The following HPSE2 variants were observed in gnomAD, a reference collection of about 807,000 sequenced individuals.
HPSE2 encodes the protein inactive heparanase-2.
In HPSE2, 38 loss-of-function variants were observed where a neutral mutation model predicts 60.5. The observed-to-expected ratio is 0.63, with a 90% confidence interval of 0.48 to 0.82. HPSE2 has a LOEUF of 0.82. Ranked by LOEUF, HPSE2 falls within the 40% of genes least tolerant of loss-of-function variation. The probability of loss-of-function intolerance (pLI) is 0.00; values close to 1 mark genes in which losing one functional copy is unlikely to be tolerated. For missense variants in HPSE2, 713 were observed against 740.4 expected (o/e 0.96, Z 0.43); for synonymous variants, 295 against 293.2 (o/e 1.01, Z -0.06).
intron 3 of HPSE2, among the ~76,000 whole-genome samples, chr10:98,771,700 A>C (rs1333457261): frequency 6.6e-6 from 1 of 152,180 alleles, no homozygotes; most frequent in Non-Finnish European, 1.5e-5. Flanking sequence ...GATAACCAAG[A>C]ATTCAGTGAC....
chr10:99,232,859 G>A (rs868435416), intron 1 of HPSE2, among the ~76,000 whole-genome samples: 3 of 152,248 alleles, frequency 2.0e-5, no homozygotes, highest in South Asian at 4.1e-4. Flanking sequence ...GCAGTTGCCC[G>A]GCTTCTGCCA....
chr10:99,149,191 G>C (rs1846168855), intron 2 of HPSE2, among the ~76,000 whole-genome samples: 1 of 152,108 alleles, frequency 6.6e-6, no homozygotes, highest in South Asian at 2.1e-4. Flanking sequence ...AACCTGTTCA[G>C]TTCCACGTGA....
At chr10:98,696,595 A>G (rs560603984) in intron 5 of HPSE2, among the ~76,000 whole-genome samples, 1 of 36,268 alleles carries the variant, frequency 2.8e-5, no homozygotes, top group South Asian at 1.9e-3. Flanking sequence ...CACTGGGGCG[A>G]GGGTCCCAAC....
chr10:99,309,933 A>G, the HPSE2 span, among the ~76,000 whole-genome samples: 2 of 152,202 alleles, frequency 1.3e-5, no homozygotes, highest in African/African-American at 2.4e-5. Context: ...AAACAACACA[A>G]TTTATTCTCT....
rs553701784 is a variant in HPSE2 at position 98,477,313 on chromosome 10, C to A, written c.1613+5323G>T. 1.1e-3 allele frequency among the ~76,000 whole-genome samples: 160 copies of A among 152,292 alleles called. 1 individual carries two copies. The highest frequency in any genetic ancestry group is 3.0e-3 in the African/African-American group (125 of 41,562). ...GTTCTTATACAATTAAGTGTTCAGA[C>A]AGGATTGAAATTGTGGTCACTCTTT... On this transcript the variant is annotated intron_variant, in intron 11 of 11. Transcript: ENST00000370552.
At chr10:99,200,854 A>G (rs1848552266) in intron 2 of HPSE2, among the ~76,000 whole-genome samples, 1 of 152,286 alleles carries the variant, frequency 6.6e-6, no homozygotes, top group South Asian at 2.1e-4. Context: ...CTGGTATGTC[A>G]TATTTAGCTG....
chr10:98,995,341 G>A (rs893032352), intron 3 of HPSE2, among the ~76,000 whole-genome samples: 1 of 152,084 alleles, frequency 6.6e-6, no homozygotes, highest in African/African-American at 2.4e-5. Context: ...GTTTGATGAT[G>A]CCTATAAACA....
intron 3 of HPSE2, among the ~76,000 whole-genome samples, chr10:98,852,089 GT>G (rs1952186725): frequency 6.9e-6 from 1 of 144,526 alleles, no homozygotes; most frequent in African/African-American, 2.6e-5. Flanking sequence ...TTACAGGAAG[GT>G]TTTGCAAACC....
At chr10:98,553,784 C>T (rs1346573286) in intron 9 of HPSE2, among the ~76,000 whole-genome samples, 1 of 152,152 alleles carries the variant, frequency 6.6e-6, no homozygotes, top group Non-Finnish European at 1.5e-5. Flanking sequence ...CTGATGATTG[C>T]TATTTTGTTT....
intron 6 of HPSE2, among the ~76,000 whole-genome samples, chr10:98,671,018 C>T (rs1000720431): frequency 2.6e-5 from 4 of 152,126 alleles, no homozygotes; most frequent in Non-Finnish European, 4.4e-5. Flanking sequence ...CTCTGAGAAT[C>T]GTGTTGGTGT....
intron 3 of HPSE2, among the ~76,000 whole-genome samples, chr10:98,921,991 A>G (rs1210203298): frequency 6.6e-6 from 1 of 152,190 alleles, no homozygotes; most frequent in Non-Finnish European, 1.5e-5. Flanking sequence ...TGTCCAACAG[A>G]ATTACAATGT....
chr10:98,819,438 T>TTTA (rs1555006528), intron 3 of HPSE2, among the ~76,000 whole-genome samples: 7 of 151,564 alleles, frequency 4.6e-5, no homozygotes, highest in Admixed American at 1.3e-4. Flanking sequence ...TTTTTTTTTT[T>TTTA]AACCAGTTCT....
intron 9 of HPSE2, among the ~76,000 whole-genome samples, chr10:98,530,867 G>C (rs1056253440): frequency 6.6e-6 from 1 of 152,152 alleles, no homozygotes; most frequent in Non-Finnish European, 1.5e-5. Context: ...AGCGAGTAGA[G>C]GGACCCTCCA....
intron 6 of HPSE2, among the ~76,000 whole-genome samples, chr10:98,679,520 G>C (rs1947731136): frequency 6.6e-6 from 1 of 151,834 alleles, no homozygotes; most frequent in African/African-American, 2.4e-5. Context: ...TGTTTTCAAA[G>C]GTCGACTCAG....
intron 6 of HPSE2, among the ~76,000 whole-genome samples, chr10:98,664,690 G>T (rs965251337): frequency 7.9e-5 from 12 of 152,154 alleles, no homozygotes; most frequent in Non-Finnish European, 1.2e-4. Context: ...AAAATATTTC[G>T]CCCGTATATA....
rs538186931 is a variant in HPSE2 at position 99,100,766 on chromosome 10, G to A, written c.610+43472C>T. 2.1e-3 allele frequency among the ~76,000 whole-genome samples: 316 copies of A among 152,304 alleles called. 5 individuals are homozygous for A. The highest frequency in any genetic ancestry group is 3.7e-3 in the Admixed American group (57 of 15,296). Reference sequence around the variant, plus strand: ...AGAAAGGTCGGGTTACCCTCAAAGGGAAGCCCATCAGACTAACAGCAGATC... The same window carrying A: ...AGAAAGGTCGGGTTACCCTCAAAGGAAAGCCCATCAGACTAACAGCAGATC... On this transcript the variant is annotated intron_variant, in intron 3 of 11. Coordinates refer to ENST00000370552, the MANE Select transcript of HPSE2 (RefSeq NM_021828.5).
At chr10:99,132,216 AGAGAG>A (rs1845453566) in intron 3 of HPSE2, among the ~76,000 whole-genome samples, 2 of 29,276 alleles carry the variant, frequency 6.8e-5, no homozygotes, top group Admixed American at 4.1e-4. Flanking sequence ...AGAGAGAGAG[AGAGAG>A]AGAGAGAGAG....
intron 3 of HPSE2, among the ~76,000 whole-genome samples, chr10:98,794,243 A>ATT (rs67286674): frequency 0.049 from 7,002 of 144,262 alleles, 551 homozygotes; most frequent in African/African-American, 0.16. Flanking sequence ...CATTGCATTA[A>ATT]TTTTTTTTTT....
chr10:99,274,428 T>TA, the HPSE2 span, among the ~76,000 whole-genome samples: 5 of 151,628 alleles, frequency 3.3e-5, no homozygotes, highest in South Asian at 2.1e-4. Flanking sequence ...AAGTAAAATT[T>TA]AAAAAAAACC....
Sources: gnomAD v4.1 joint callset for allele counts (sites outside exome capture counted in the v4.1 genomes callset) on GRCh38, gnomAD v4.1.1 for gene constraint, MANE v1.5 for transcripts, NCBI Gene and HGNC (gene_info 2026-07-23, HGNC 2026-07-21) for gene names.